Variants in OR10H5 observed in about 807,000 individuals in gnomAD.
OR10H5 encodes the protein olfactory receptor 10H5.
A neutral mutation model predicts 12.2 loss-of-function variants in OR10H5; 7 were observed. That is an observed-to-expected ratio of 0.57 (90% CI 0.33 to 1.07). The LOEUF (loss-of-function observed/expected upper bound fraction) is 1.07, where lower values mean the gene tolerates loss of function less well. OR10H5 is among the 50% of genes least tolerant of loss of function. The probability of loss-of-function intolerance (pLI) is 0.04; values close to 1 mark genes in which losing one functional copy is unlikely to be tolerated. For synonymous variants in OR10H5, 159 were observed against 175.1 expected (o/e 0.91, Z 0.73); for missense variants, 346 against 411.6 (o/e 0.84, Z 1.38).
Position 15,795,127 on chromosome 19 carries a change from C to T in OR10H5, c.*131C>T, listed in dbSNP as rs2088833522. The T allele has an allele frequency of 7.6e-6, 6 of 788,184 alleles. No homozygotes were observed. Among genetic ancestry groups the T allele is most frequent in the Non-Finnish European group, 1.2e-5 (6 of 511,552 alleles). 48.8% of individuals were successfully genotyped at this position (788,184 alleles called of 1,614,324 possible). ...CCTTCCTTCTTTCCTTCCTCCCTCC[C>T]TCCTTTCCTCCCTCCTTCTCTGACC... On this transcript the variant is annotated 3_prime_UTR_variant, in exon 2 of 2. Transcript: ENST00000642092.
chr19:15,796,061 T>C lies in OR10H5; in HGVS notation c.*1065T>C, dbSNP rs915502613. ...ATGCTGGGATTACAGGCATGAGCCG[T>C]GACACCGGCCAAGTTCTATTCTGAA... On this transcript the variant is annotated 3_prime_UTR_variant, in exon 2 of 2. Transcript: ENST00000642092. The C allele has an allele frequency of 6.6e-6, 1 of 152,206 alleles. No homozygotes were observed. The highest frequency in any genetic ancestry group is 2.4e-5 in the African/African-American group (1 of 41,446). 9.4% of individuals were successfully genotyped at this position (152,206 alleles called of 1,614,324 possible).
rs1052911006 is a variant in OR10H5, at chr19:15,798,728, G to A, written c.*3732G>A. On this transcript the variant is annotated 3_prime_UTR_variant, in exon 2 of 2. Transcript: ENST00000642092. ...TCACCCCCAAAATCCTCCAGTTTCT[G>A]TCTGCCAAGCAGCTAGAAGGAGCTT... The A allele has an allele frequency of 2.1e-5, 3 of 143,594 alleles. No homozygotes were observed. The highest frequency in any genetic ancestry group is 4.5e-5 in the Non-Finnish European group (3 of 66,316). The allele number at this position is 143,594 out of a possible 1,614,324, so 8.9% of individuals were successfully genotyped here.
At position 15,796,819 on chromosome 19, in the gene OR10H5, G is replaced by T. The variant is rs2088842091; in HGVS notation, c.*1823G>T. ...AAAAAAAACTACCCATTAAATCCGG[G>T]TTCCTGGGTTATATTAGAAGTTCCG... On this transcript the variant is annotated 3_prime_UTR_variant, in exon 2 of 2. Coordinates refer to ENST00000642092, the MANE Select transcript of OR10H5 (RefSeq NM_001004466.2). 1 of 151,690 alleles carries T rather than the reference G, an allele frequency of 6.6e-6. No individual in the cohort carries two copies. The highest frequency in any genetic ancestry group is 2.4e-5 in the African/African-American group (1 of 41,286). The allele number at this position is 151,690 out of a possible 1,614,324, so 9.4% of individuals were successfully genotyped here. A position where few individuals can be genotyped will look rare whatever the true frequency, so the allele number is the denominator to read the frequency against.
intron 1 of OR10H5, among the ~76,000 whole-genome samples, chr19:15,791,857 T>C (rs558976019): frequency 1.7e-4 from 26 of 152,230 alleles, no homozygotes; most frequent in African/African-American, 6.3e-4. Flanking sequence ...CACGCCCAGC[T>C]AATTTTTTTG....
At position 15,794,240 on chromosome 19, in the gene OR10H5, T is replaced by C. The variant is rs553241006; in HGVS notation, c.192T>C (p.Cys64=). The C allele has an allele frequency of 5.1e-5, 83 of 1,614,130 alleles. 1 individual carries two copies. The South Asian group carries it at 6.8e-4, about 13-fold the overall frequency. The change falls in exon 2 of 2, where the codon TGT becomes TGC. Residue 64 remains cysteine (C), a synonymous_variant. Coordinates refer to ENST00000642092, the MANE Select transcript of OR10H5 (RefSeq NM_001004466.2). ...SLHMPMYLFL[C]ALSITEILYT... The stretch of plus-strand genomic sequence containing the variant: ...ACATGCCCATGTACCTCTTCCTGTG[T>C]GCCCTCTCCATCACCGAGATCCTCT...
chr19:15,789,849 A>G (rs7249737), intron 1 of OR10H5, among the ~76,000 whole-genome samples: 12,909 of 149,396 alleles, frequency 0.086, 600 homozygotes, highest in Middle Eastern at 0.12. Flanking sequence ...TGGCATGAAC[A>G]TGGCTCACTG....
At position 15,795,091 on chromosome 19, in the gene OR10H5, CTCCCTCCCTTCCTTCCTT is replaced by C; in HGVS notation, c.*96_*113del. On this transcript the variant is annotated 3_prime_UTR_variant, in exon 2 of 2. Transcript: ENST00000642092. ...CTTTCCTCCCTCCCTCCTTTCCTCC[CTCCCTCCCTTCCTTCCTT>C]CTTTCCTTCCTCCCTCCCTCCTTTC... 1.9e-6 allele frequency: 2 copies of C among 1,039,176 alleles called. No homozygotes were observed. The highest frequency in any genetic ancestry group is 2.8e-6 in the Non-Finnish European group (2 of 720,586). The allele number at this position is 1,039,176 out of a possible 1,614,324, so 64.4% of individuals were successfully genotyped here. A position where few individuals can be genotyped will look rare whatever the true frequency, so the allele number is the denominator to read the frequency against.
chr19:15,793,868 G>A, intron 1 of OR10H5, 170 bp from the exon 2 acceptor site: 1 of 628,086 alleles, frequency 1.6e-6, no homozygotes, highest in Non-Finnish European at 2.7e-6. Context: ...GACAGAGCGA[G>A]ACCCCATCTC....
At chr19:15,792,758 GCCCGGC>G (rs1445302101) in intron 1 of OR10H5, among the ~76,000 whole-genome samples, 1 of 152,096 alleles carries the variant, frequency 6.6e-6, no homozygotes, top group Non-Finnish European at 1.5e-5. Context: ...GAGCTACTGT[GCCCGGC>G]CCTTAACCTT....
intron 1 of OR10H5, 109 bp from the exon 2 acceptor site, chr19:15,793,929 T>C (rs2088821294): frequency 5.5e-6 from 5 of 913,390 alleles, no homozygotes; most frequent in South Asian, 4.9e-5. Context: ...GGAGTAACCA[T>C]GGCTTGGACA....
intron 1 of OR10H5, chr19:15,793,812 G>A: frequency 2.1e-6 from 1 of 477,476 alleles, no homozygotes; most frequent in Non-Finnish European, 3.7e-6. Flanking sequence ...CCAGGAGGCA[G>A]AGGTTGCAGT....
chr19:15,793,567 A>C (rs1479976112), intron 1 of OR10H5, among the ~76,000 whole-genome samples: 12 of 151,982 alleles, frequency 7.9e-5, no homozygotes, highest in African/African-American at 2.9e-4. Context: ...TTCCCAGGCT[A>C]AACTTCAGCA....
rs144903523 is a variant in OR10H5 at position 15,794,584 on chromosome 19, G to A, written c.536G>A (p.Cys179Tyr). The A allele has an allele frequency of 1.9e-6, 3 of 1,614,190 alleles. No homozygotes were observed. Among genetic ancestry groups the A allele is most frequent in the Non-Finnish European group, 2.5e-6 (3 of 1,180,034 alleles). Residue 179 changes from cysteine (C) to tyrosine (Y), a missense_variant, in exon 2 of 2, where the codon TGC becomes TAC. Transcript: ENST00000642092. ...CACAAGGAGATCCACCATTTCTTCTGCCACGTGCCACCTCTGTTGAAGTTG... is the reference window on the plus strand; with the variant it reads ...CACAAGGAGATCCACCATTTCTTCTACCACGTGCCACCTCTGTTGAAGTTG... ...CGHKEIHHFF[C>Y]HVPPLLKLAC... is the part of the protein sequence containing the mutation.
chr19:15,791,000 G>C (rs1202523749), intron 1 of OR10H5, among the ~76,000 whole-genome samples: 1 of 152,100 alleles, frequency 6.6e-6, no homozygotes, highest in African/African-American at 2.4e-5. Context: ...CTAGAGGCTG[G>C]GAAGGGTAGG....
chr19:15,794,146 T>C lies in OR10H5; in HGVS notation c.98T>C (p.Leu33Pro), dbSNP rs2088823756. Reference protein sequence around the residue: ...LQLMLFLLFLLMYLFTLLGNL... With the variant: ...LQLMLFLLFLPMYLFTLLGNL... ...CTGATGCTCTTCCTGCTGTTCCTGC[T>C]GATGTACCTGTTCACGCTGCTGGGC... is the stretch of plus-strand genomic sequence containing the variant. Residue 33 changes from leucine to proline, a missense_variant, in exon 2 of 2, where the codon CTG (leucine) becomes CCG (proline). Transcript: ENST00000642092. The C allele has an allele frequency of 6.2e-7, 1 of 1,614,072 alleles. No individual in the cohort carries two copies. Among genetic ancestry groups the C allele is most frequent in the African/African-American group, 1.3e-5 (1 of 74,934 alleles).
rs2088849017 is a variant in OR10H5, at chr19:15,798,006, C to G, written c.*3010C>G. The G allele has an allele frequency of 7.4e-6, 1 of 135,074 alleles. No homozygotes were observed. The allele number at this position is 135,074 out of a possible 1,614,324, so 8.4% of individuals were successfully genotyped here. A position where few individuals can be genotyped will look rare whatever the true frequency, so the allele number is the denominator to read the frequency against. ...GTTGCAGTGAGTCAAGATCGTGCCA[C>G]TGCACTCCAGCCTGGGCGACAAGAG... is the stretch of plus-strand genomic sequence containing the variant. On this transcript the variant is annotated 3_prime_UTR_variant, in exon 2 of 2. Transcript: ENST00000642092.
chr19:15,794,236 T>C lies in OR10H5; in HGVS notation c.188T>C (p.Leu63Pro). ...CTCCACATGCCCATGTACCTCTTCC[T>C]GTGTGCCCTCTCCATCACCGAGATC... ...RSLHMPMYLF[L>P]CALSITEILY... Residue 63 changes from leucine to proline, a missense_variant, in exon 2 of 2, where the codon CTG (leucine) becomes CCG (proline). Transcript: ENST00000642092. 6.2e-7 allele frequency: 1 copy of C among 1,614,192 alleles called. No homozygotes were observed. Among genetic ancestry groups the C allele is most frequent in the South Asian group, 1.1e-5 (1 of 91,068 alleles).
In OR10H5 at chr19:15,795,723, G is replaced by C. The variant is rs2088837237; in HGVS notation, c.*727G>C. ...GACAGGCTTTAGGTGCTTAACACAT[G>C]TGAGTTATTTTACTTCACAGGGAAG... On this transcript the variant is annotated 3_prime_UTR_variant, in exon 2 of 2. Transcript: ENST00000642092. The C allele has an allele frequency of 6.6e-6, 1 of 152,242 alleles. No individual in the cohort carries two copies. The highest frequency in any genetic ancestry group is 2.4e-5 in the African/African-American group (1 of 41,434). 9.4% of individuals were successfully genotyped at this position (152,242 alleles called of 1,614,324 possible).
chr19:15,794,239 G>A lies in OR10H5; in HGVS notation c.191G>A (p.Cys64Tyr), dbSNP rs2088824777. 6.2e-7 allele frequency: 1 copy of A among 1,613,150 alleles called. No homozygotes were observed. Among genetic ancestry groups the A allele is most frequent in the Non-Finnish European group, 8.5e-7 (1 of 1,179,714 alleles). The change falls in exon 2 of 2, where the codon TGT becomes TAT. Residue 64 changes from cysteine (C) to tyrosine (Y), a missense_variant. Coordinates refer to ENST00000642092, the MANE Select transcript of OR10H5 (RefSeq NM_001004466.2). ...SLHMPMYLFL[C>Y]ALSITEILYT... is the part of the protein sequence containing the mutation. ...CACATGCCCATGTACCTCTTCCTGT[G>A]TGCCCTCTCCATCACCGAGATCCTC...
Sources: allele counts gnomAD v4.1 joint callset (sites outside exome capture counted in the v4.1 genomes callset), GRCh38; gene constraint gnomAD v4.1.1; transcripts MANE v1.5; gene names NCBI Gene and HGNC (gene_info 2026-07-23, HGNC 2026-07-21).